AQR: variants seen among roughly 807,000 people sequenced by gnomAD.
The protein encoded by AQR is RNA helicase aquarius.
AQR carries 61 observed loss-of-function variants against 180.5 expected under a neutral mutation model. The observed-to-expected ratio is 0.34, with a 90% CI of 0.28 to 0.42. AQR has a LOEUF of 0.42. Among genes scored for constraint, AQR ranks in the 10% least tolerant of loss-of-function variants. The pLI, the probability that AQR is intolerant of heterozygous loss-of-function variation, is 1.00. For missense variants in AQR, 1,281 were observed against 1,798.3 expected, an observed-to-expected ratio of 0.71 and a Z score of 5.20; for synonymous variants, 551 against 588.8, an observed-to-expected ratio of 0.94 and a Z score of 0.93.
At chr15:34,897,415 A>T (rs571255944) in intron 21 of AQR, 144 bp downstream of exon 21, 8 of 923,360 alleles carry the variant, frequency 8.7e-6, no homozygotes, top group Non-Finnish European at 1.6e-6. Flanking sequence ...TATTCAGCTG[A>T]CTGACAGAAT....
chr15:34,874,999 A>C, intron 28 of AQR, 135 bp from the exon 29 acceptor site: 1 of 782,008 alleles, frequency 1.3e-6, no homozygotes, highest in East Asian at 2.8e-5. Context: ...CTCCACAAAC[A>C]GGAGTCTAGC....
chr15:34,882,685 T>G (rs1243905466), intron 26 of AQR, 46 bp from the exon 27 acceptor site: 2 of 1,570,840 alleles, frequency 1.3e-6, no homozygotes, highest in Admixed American at 3.6e-5. Flanking sequence ...GAAAACGGAG[T>G]TTTGCACATA....
chr15:34,898,666 C>G (rs1426523523), intron 20 of AQR, among the ~76,000 whole-genome samples: 2 of 152,082 alleles, frequency 1.3e-5, no homozygotes, highest in African/African-American at 4.8e-5. Flanking sequence ...GGGTGAATCA[C>G]GAGGTCAGGA....
chr15:34,875,184 G>C (rs1268724916), intron 28 of AQR, among the ~76,000 whole-genome samples: 1 of 152,134 alleles, frequency 6.6e-6, no homozygotes, highest in Non-Finnish European at 1.5e-5. Context: ...CGAGCACACA[G>C]AAAGAAACAG....
At chr15:34,897,388 T>C (rs1207440318) in intron 21 of AQR, among the ~76,000 whole-genome samples, 171 bp downstream of exon 21, 1 of 152,150 alleles carries the variant, frequency 6.6e-6, no homozygotes, top group Non-Finnish European at 1.5e-5. Context: ...GACTACAGAA[T>C]GGCCTAAAAT....
intron 20 of AQR, among the ~76,000 whole-genome samples, chr15:34,899,668 G>A (rs1264977280): frequency 6.7e-6 from 1 of 150,140 alleles, no homozygotes; most frequent in Non-Finnish European, 1.5e-5. Flanking sequence ...ACCACACCTG[G>A]CCTATTATTA....
intron 13 of AQR, among the ~76,000 whole-genome samples, chr15:34,921,681 C>G (rs1020999650): frequency 2.0e-5 from 3 of 152,170 alleles, no homozygotes; most frequent in African/African-American, 7.2e-5. Context: ...ATCACCTCCC[C>G]AAAATCCCTT....
In AQR at chr15:34,862,933, A is replaced by G. The variant is rs760851408; in HGVS notation, c.3963T>C (p.Ser1321=). Residue 1321 remains serine (S), a synonymous_variant, in exon 33 of 35, where the codon AGT becomes AGC. Coordinates refer to ENST00000156471, the MANE Select transcript of AQR (RefSeq NM_014691.3). ...QNCFELTPAF[S]QLTARPLHLH... Reference sequence around the variant, plus strand: ...AATGAAGGGGGCGAGCTGTGAGCTGACTGAAAGCTGGAGTCAGTTCAAAAC... The same window carrying G: ...AATGAAGGGGGCGAGCTGTGAGCTGGCTGAAAGCTGGAGTCAGTTCAAAAC... 5.0e-6 allele frequency: 8 copies of G among 1,613,824 alleles called. No individual in the cohort carries two copies. The highest frequency in any genetic ancestry group is 1.6e-4 in the Middle Eastern group (1 of 6,078).
Position 34,964,250 on chromosome 15 carries a change from G to A in AQR, c.116C>T (p.Ser39Leu). Residue 39 changes from serine to leucine, a missense_variant, in exon 2 of 35, where the codon TCA becomes TTA. By Grantham distance (145) the Ser-to-Leu change is moderately radical (BLOSUM62 -2). Transcript: ENST00000156471. ...KYWAPHIKKK[S>L]PFDIKVIEDI... ...AATACTTACCTTTATATCAAAAGGT[G>A]ATTTCTTCTTGATGTGGGGAGCCCA... is the stretch of plus-strand genomic sequence containing the variant. 1 of 1,606,832 alleles carries A rather than the reference G, an allele frequency of 6.2e-7. No individual in the cohort carries two copies. Among genetic ancestry groups the A allele is most frequent in the South Asian group, 1.1e-5 (1 of 90,264 alleles).
At chr15:34,893,240 T>C (rs1189920363) in intron 23 of AQR, among the ~76,000 whole-genome samples, 1 of 152,164 alleles carries the variant, frequency 6.6e-6, no homozygotes, top group Non-Finnish European at 1.5e-5. Flanking sequence ...CTATCCCTAA[T>C]GCAGCCCCTG....
At position 34,854,308 on chromosome 15, in the gene AQR, T is replaced by C. The variant is rs1892557303; in HGVS notation, c.*2484A>G. 6.6e-6 allele frequency: 1 copy of C among 152,170 alleles called. No homozygotes were observed. The highest frequency in any genetic ancestry group is 6.5e-5 in the Admixed American group (1 of 15,276). The allele number at this position is 152,170 out of a possible 1,614,324, so 9.4% of individuals were successfully genotyped here. On this transcript the variant is annotated 3_prime_UTR_variant, in exon 35 of 35. Transcript: ENST00000156471. ...ATATGAAAAATAGGATGGAGAGCAA[T>C]GGGAACACTAATCTGAAATAGTCAC...
intron 18 of AQR, among the ~76,000 whole-genome samples, chr15:34,905,539 C>T (rs1483283180): frequency 6.6e-6 from 1 of 151,848 alleles, no homozygotes; most frequent in Admixed American, 6.5e-5. Flanking sequence ...ATCCTTGGCT[C>T]ACAGTTACCT....
chr15:34,962,389 G>A (rs1411074437), intron 2 of AQR, among the ~76,000 whole-genome samples: 1 of 152,124 alleles, frequency 6.6e-6, no homozygotes, highest in African/African-American at 2.4e-5. Context: ...AAGGGAGGGA[G>A]GCGATAAGGA....
chr15:34,865,256 G>T (rs866050934), intron 32 of AQR, among the ~76,000 whole-genome samples: 3 of 152,148 alleles, frequency 2.0e-5, no homozygotes, highest in Non-Finnish European at 2.9e-5. Flanking sequence ...ACTTGGCTCA[G>T]AACAGGTTAC....
In AQR at chr15:34,851,818, T is replaced by C. The variant is rs1485687944; in HGVS notation, c.*4974A>G. The C allele has an allele frequency of 1.3e-5, 2 of 152,164 alleles. No homozygotes were observed. The highest frequency in any genetic ancestry group is 2.9e-5 in the Non-Finnish European group (2 of 68,018). The allele number at this position is 152,164 out of a possible 1,614,324, so 9.4% of individuals were successfully genotyped here. ...AACTCTTCTTTTACTGCATAAGAAA[T>C]GAGAAGAAAAACTTAGTGTGAAATT... On this transcript the variant is annotated 3_prime_UTR_variant, in exon 35 of 35. Transcript: ENST00000156471.
At position 34,915,101 on chromosome 15, in the gene AQR, C is replaced by T. The variant is rs747328349; in HGVS notation, c.1421G>A (p.Arg474His). Residue 474 changes from arginine (R) to histidine (H), a missense_variant, in exon 16 of 35, where the codon CGC (arginine) becomes CAC (histidine). Arg to His is a conservative substitution (Grantham distance 29). Around this residue, in one of 9 missense-constraint regions of AQR, gnomAD observed 200 missense variants for 293.4 expected, o/e 0.68. Coordinates refer to ENST00000156471, the MANE Select transcript of AQR (RefSeq NM_014691.3). ...ACGAATTTCATAAGTTGATTCTAAG[C>T]GGAAGAGGTTAAAGTTCCTTAGCAG... is the stretch of plus-strand genomic sequence containing the variant. ...DYLLRNFNLF[R>H]LESTYEIRQD... is the part of the protein sequence containing the mutation. 5.6e-6 allele frequency: 9 copies of T among 1,613,020 alleles called. No individual in the cohort carries two copies. In the Admixed American group the frequency reaches 6.7e-5, roughly 12 times the overall value.
chr15:34,944,705 T>C (rs928847067), intron 5 of AQR, among the ~76,000 whole-genome samples: 1 of 152,238 alleles, frequency 6.6e-6, no homozygotes, highest in Non-Finnish European at 1.5e-5. Flanking sequence ...ATGCCTGTAT[T>C]TAGCTTAGGC....
At chr15:34,889,621 T>A (rs977719228) in intron 24 of AQR, among the ~76,000 whole-genome samples, 3 of 152,172 alleles carry the variant, frequency 2.0e-5, no homozygotes, top group African/African-American at 7.2e-5. Flanking sequence ...GCAAGAAGCA[T>A]CTGAAGTTAT....
In AQR at chr15:34,927,411, G is replaced by C. The variant is rs941221973; in HGVS notation, c.1015-273C>G. Among the ~76,000 whole-genome samples, 41 of 152,210 alleles carry C rather than the reference G, an allele frequency of 2.7e-4. 3 individuals carry two copies. Among genetic ancestry groups the C allele is most frequent in the African/African-American group, 6.3e-4 (26 of 41,532 alleles). On this transcript the variant is annotated intron_variant, in intron 12 of 34. Coordinates refer to ENST00000156471, the MANE Select transcript of AQR (RefSeq NM_014691.3). ...CAATATATACAAAATAGCCACAAAG[G>C]CTAGCTTTATTGACAGAAGAGGAGC...
Sources: allele counts gnomAD v4.1 joint callset (sites outside exome capture counted in the v4.1 genomes callset), GRCh38; gene constraint gnomAD v4.1.1; regional missense constraint gnomAD v4.1.1; transcripts MANE v1.5; gene names NCBI Gene and HGNC (gene_info 2026-07-23, HGNC 2026-07-21).